The following INO80E variants were observed in gnomAD, a reference collection of about 807,000 sequenced individuals.
INO80E encodes the protein coiled-coil domain containing 95.
In INO80E, 20 loss-of-function variants were observed where a neutral mutation model predicts 27.3. That is an observed-to-expected ratio of 0.73 (90% CI 0.51 to 1.06). The LOEUF is 1.06. INO80E is among the 50% of genes least tolerant of loss of function. The pLI is 0.00. For missense variants in INO80E, 357 were observed against 322.8 expected, an observed-to-expected ratio of 1.11 and a Z score of -0.81; for synonymous variants, 167 against 145.9, an observed-to-expected ratio of 1.14 and a Z score of -1.04.
At chr16:30,000,684 T>C (rs951972859) in intron 3 of INO80E, 74 bp from the exon 4 acceptor site, 7 of 1,233,026 alleles carry the variant, frequency 5.7e-6, no homozygotes, top group Non-Finnish European at 7.1e-6. Flanking sequence ...CCTTCTGTAG[T>C]GTAGAGGAGG....
chr16:30,001,336 C>T, intron 5 of INO80E, 78 bp from the exon 6 acceptor site: 2 of 1,515,926 alleles, frequency 1.3e-6, no homozygotes, highest in East Asian at 2.5e-5. Flanking sequence ...TTTCCATCCT[C>T]CTTCTGTTTG....
At position 30,005,646 on chromosome 16, in the gene INO80E, G is replaced by T; in HGVS notation, c.*204G>T. The T allele has an allele frequency of 1.7e-6, 1 of 593,864 alleles. No homozygotes were observed. The highest frequency in any genetic ancestry group is 2.9e-6 in the Non-Finnish European group (1 of 342,140). 36.8% of individuals were successfully genotyped at this position (593,864 alleles called of 1,614,324 possible). On this transcript the variant is annotated 3_prime_UTR_variant, in exon 7 of 7. Transcript: ENST00000563197. ...TGCCTTCAAACCCCGGCCCCCTCCA[G>T]GGGACAGTTATTTAAACGAGTGGCC...
At chr16:30,005,126 C>T in intron 6 of INO80E, 95 bp from the exon 7 acceptor site, 1 of 1,338,930 alleles carries the variant, frequency 7.5e-7, no homozygotes, top group Non-Finnish European at 9.8e-7. Context: ...GGCCTCTTCC[C>T]CCTCCCCAGA....
Position 29,996,798 on chromosome 16 carries a change from C to T in INO80E, c.153-10C>T, listed in dbSNP as rs1199642087. On this transcript the variant is annotated splice_polypyrimidine_tract_variant and intron_variant, in intron 2 of 6. Coordinates refer to ENST00000563197, the MANE Select transcript of INO80E (RefSeq NM_173618.3). ...AAAATCACTGTCCGTGTCTCCTTCC[C>T]TCCCCTCAGTTTCCTCCTAGACCGA... The T allele has an allele frequency of 5.6e-6, 9 of 1,613,830 alleles. No individual in the cohort carries two copies. The East Asian group carries it at 1.3e-4, about 24-fold the overall frequency.
chr16:30,005,491 G>A lies in INO80E; in HGVS notation c.*49G>A, dbSNP rs748776711. 1.6e-5 allele frequency: 24 copies of A among 1,520,680 alleles called. No individual in the cohort carries two copies. Among genetic ancestry groups the A allele is most frequent in the South Asian group, 9.6e-5 (8 of 83,336 alleles). 94.2% of individuals were successfully genotyped at this position (1,520,680 alleles called of 1,614,324 possible). On this transcript the variant is annotated 3_prime_UTR_variant, in exon 7 of 7. Coordinates refer to ENST00000563197, the MANE Select transcript of INO80E (RefSeq NM_173618.3). ...CACGGCCCCGCCCGGCGCCCTCCCC[G>A]TGCCAGCACACACGAGTCCAGCTTC...
chr16:30,005,345 T>G lies in INO80E; in HGVS notation c.638T>G (p.Ile213Ser). ...CCCCCTAAGATGCCCCCCCCCACGA[T>G]CCTGAGCACGGTCCCTCGGCAGATG... ...LPPPKMPPPTILSTVPRQMFS... is the reference protein window; with the variant it reads ...LPPPKMPPPTSLSTVPRQMFS... Residue 213 changes from isoleucine to serine, a missense_variant, in exon 7 of 7, where the codon ATC becomes AGC. Ile to Ser is a moderately radical substitution (Grantham distance 142). Transcript: ENST00000563197. 1.1e-6 allele frequency: 1 copy of G among 934,590 alleles called. No homozygotes were observed. The highest frequency in any genetic ancestry group is 1.3e-6 in the Non-Finnish European group (1 of 775,130). 57.9% of individuals were successfully genotyped at this position (934,590 alleles called of 1,614,324 possible). A position where few individuals can be genotyped will look rare whatever the true frequency, so the allele number is the denominator to read the frequency against.
intron 5 of INO80E, 72 bp downstream of exon 5, chr16:30,001,112 C>T (rs1279040437): frequency 1.2e-5 from 18 of 1,478,340 alleles, no homozygotes; most frequent in South Asian, 2.7e-5. Flanking sequence ...GGCTGGGCCT[C>T]GGGGCAAGGC....
intron 3 of INO80E, among the ~76,000 whole-genome samples, chr16:29,998,332 G>C (rs2070216945): frequency 6.6e-6 from 1 of 151,794 alleles, no homozygotes; most frequent in African/African-American, 2.4e-5. Flanking sequence ...TGAAGAAGTG[G>C]GCTAGAGCTG....
rs1413821292 is a variant in INO80E, at chr16:30,005,231, G to C, written c.524G>C (p.Gly175Ala). The change falls in exon 7 of 7, where the codon GGA (glycine) becomes GCA (alanine). Residue 175 changes from glycine (G) to alanine (A), a missense_variant. Transcript: ENST00000563197. ...RLPRKLKMAV[G>A]PPDCPVGGPL... ...TTCCCCCTGCTGCAGATGGCGGTGG[G>C]ACCCCCCGACTGCCCTGTGGGAGGG... 1.4e-6 allele frequency: 2 copies of C among 1,444,734 alleles called. No individual in the cohort carries two copies. Among genetic ancestry groups the C allele is most frequent in the East Asian group, 5.7e-5 (2 of 35,012 alleles). 89.5% of individuals were successfully genotyped at this position (1,444,734 alleles called of 1,614,324 possible).
At chr16:29,998,245 T>C (rs2070210339) in intron 3 of INO80E, among the ~76,000 whole-genome samples, 1 of 148,436 alleles carries the variant, frequency 6.7e-6, no homozygotes, top group Non-Finnish European at 1.5e-5. Context: ...GAGCTGAGAT[T>C]GCACTACTGC....
At chr16:29,997,754 C>CAA (rs77565859) in intron 3 of INO80E, among the ~76,000 whole-genome samples, 6 of 67,250 alleles carry the variant, frequency 8.9e-5, no homozygotes, top group Non-Finnish European at 1.2e-4. Context: ...GACTCCGTCT[C>CAA]AAAAAAAAAA....
chr16:30,001,026 C>T lies in INO80E; in HGVS notation c.382C>T (p.Pro128Ser), dbSNP rs1384923810. The change falls in exon 5 of 7, where the codon CCA becomes TCA. Residue 128 changes from proline to serine, a missense_variant. Physicochemically the swap from Pro to Ser is moderately conservative, Grantham distance 74 (BLOSUM62 -1). Coordinates refer to ENST00000563197, the MANE Select transcript of INO80E (RefSeq NM_173618.3). ...CCTTCAGGCCTCCGGGGTCCCCTCC[C>T]CATACCTGAGCTCGGTGAGTTGGGG... is the stretch of plus-strand genomic sequence containing the variant. Reference protein sequence around the residue: ...FPLQASGVPSPYLSSLASSRY... With the variant: ...FPLQASGVPSSYLSSLASSRY... 1.9e-6 allele frequency: 3 copies of T among 1,547,354 alleles called. No individual in the cohort carries two copies. Among genetic ancestry groups the T allele is most frequent in the Non-Finnish European group, 2.6e-6 (3 of 1,146,416 alleles).
In INO80E at chr16:30,005,239, G is replaced by C; in HGVS notation, c.532G>C (p.Asp178His). 7.0e-7 allele frequency: 1 copy of C among 1,437,060 alleles called. No individual in the cohort carries two copies. The highest frequency in any genetic ancestry group is 9.1e-7 in the Non-Finnish European group (1 of 1,097,876). 89.0% of individuals were successfully genotyped at this position (1,437,060 alleles called of 1,614,324 possible). Residue 178 changes from aspartate to histidine, a missense_variant, in exon 7 of 7, where the codon GAC (aspartate) becomes CAC (histidine). Transcript: ENST00000563197. The part of the protein sequence containing the change: ...RKLKMAVGPP[D>H]CPVGGPLTFP... Reference sequence around the variant, plus strand: ...GCTGCAGATGGCGGTGGGACCCCCCGACTGCCCTGTGGGAGGGCCGCTGAC... The same window carrying C: ...GCTGCAGATGGCGGTGGGACCCCCCCACTGCCCTGTGGGAGGGCCGCTGAC...
chr16:29,997,583 G>A (rs1258044587), intron 3 of INO80E, among the ~76,000 whole-genome samples: 2 of 151,980 alleles, frequency 1.3e-5, no homozygotes, highest in Non-Finnish European at 2.9e-5. Flanking sequence ...GTGAAACCTC[G>A]TCTCTACTAA....
At chr16:30,001,593 G>A (rs991787068) in intron 6 of INO80E, 63 bp downstream of exon 6, 1 of 1,490,674 alleles carries the variant, frequency 6.7e-7, no homozygotes, top group Non-Finnish European at 9.2e-7. Context: ...CCTGAGGGAG[G>A]CTGAAGGCGG....
chr16:30,001,413 G>A lies in INO80E; in HGVS notation c.397-1G>A. 2 of 1,590,728 alleles carry A rather than the reference G, an allele frequency of 1.3e-6. No homozygotes were observed. The highest frequency in any genetic ancestry group is 1.8e-5 in the Admixed American group (1 of 56,962). Reference sequence around the variant, plus strand: ...ATCTCCATCCCCGCTCCCGCCCGCAGCTGGCCTCCTCCCGCTACCCCCCAT... The same window carrying A: ...ATCTCCATCCCCGCTCCCGCCCGCAACTGGCCTCCTCCCGCTACCCCCCAT... On this transcript the variant is annotated splice_acceptor_variant, in intron 5 of 6. Coordinates refer to ENST00000563197, the MANE Select transcript of INO80E (RefSeq NM_173618.3). LOFTEE classifies it high-confidence loss of function.
intron 3 of INO80E, among the ~76,000 whole-genome samples, chr16:29,998,861 T>C (rs1379571009): frequency 2.6e-5 from 4 of 152,132 alleles, no homozygotes; most frequent in South Asian, 2.1e-4. Context: ...CTGGCTAACA[T>C]GGTGAAACCC....
At chr16:29,998,439 G>A (rs1045672734) in intron 3 of INO80E, among the ~76,000 whole-genome samples, 7 of 152,132 alleles carry the variant, frequency 4.6e-5, no homozygotes, top group South Asian at 2.1e-4. Flanking sequence ...CACTGTTTTC[G>A]TCCTTTTATT....
intron 3 of INO80E, among the ~76,000 whole-genome samples, chr16:29,999,895 C>T (rs1315041345): frequency 6.6e-6 from 1 of 152,028 alleles, no homozygotes; most frequent in Non-Finnish European, 1.5e-5. Context: ...GTGATTTTGA[C>T]GTGCTGGTGG....
Sources: allele counts gnomAD v4.1 joint callset (sites outside exome capture counted in the v4.1 genomes callset), GRCh38; gene constraint gnomAD v4.1.1; transcripts MANE v1.5; gene names NCBI Gene and HGNC (gene_info 2026-07-23, HGNC 2026-07-21).